Variants in FGFR2 observed in about 807,000 individuals in gnomAD.
FGFR2 encodes the protein BEK fibroblast growth factor receptor.
In FGFR2, 19 loss-of-function variants were observed where a neutral mutation model predicts 95.9. That is an observed-to-expected ratio of 0.20 (90% CI 0.14 to 0.29). The LOEUF (loss-of-function observed/expected upper bound fraction) is 0.29, where lower values mean the gene tolerates loss of function less well. Ranked by LOEUF, FGFR2 falls within the 10% of genes least tolerant of loss-of-function variation. The pLI is 1.00. For missense variants in FGFR2, 707 were observed against 1,056.9 expected, an observed-to-expected ratio of 0.67 and a Z score of 4.59; for synonymous variants, 392 against 393.3, an observed-to-expected ratio of 1.00 and a Z score of 0.04.
intron 9 of FGFR2, among the ~76,000 whole-genome samples, chr10:121,514,057 A>G (rs1182777905): frequency 1.3e-5 from 2 of 152,188 alleles, no homozygotes; most frequent in Non-Finnish European, 2.9e-5. Context: ...GGGCTTGTGT[A>G]AAATGCAGAT....
intron 4 of FGFR2, among the ~76,000 whole-genome samples, chr10:121,555,516 T>C (rs894551945): frequency 3.3e-5 from 5 of 152,296 alleles, no homozygotes; most frequent in Admixed American, 1.3e-4. Flanking sequence ...AAACTTCCAA[T>C]GGCATTCAAA....
chr10:121,527,983 G>T (rs1851613369), intron 6 of FGFR2: 1 of 152,224 alleles, frequency 6.6e-6, no homozygotes, highest in Non-Finnish European at 1.5e-5. Context: ...TCCTTCAGGG[G>T]AAGAAAATGT....
At chr10:121,493,652 C>T (rs924690716) in intron 13 of FGFR2, among the ~76,000 whole-genome samples, 20 of 152,196 alleles carry the variant, frequency 1.3e-4, no homozygotes, top group African/African-American at 4.6e-4. Flanking sequence ...TTCTATTCTC[C>T]TCTTCCAAGC....
At chr10:121,565,984 C>A (rs1857613252) in intron 2 of FGFR2, 2 of 533,382 alleles carry the variant, frequency 3.7e-6, no homozygotes, top group East Asian at 6.5e-5. Context: ...GAATATTCCA[C>A]AAGAAAATGT....
intron 4 of FGFR2, among the ~76,000 whole-genome samples, chr10:121,555,925 C>T (rs1337494355): frequency 6.6e-6 from 1 of 152,178 alleles, no homozygotes; most frequent in Non-Finnish European, 1.5e-5. Context: ...TTATTATTCC[C>T]ACCCTAGAGC....
chr10:121,538,820 T>C (rs1305556536), intron 5 of FGFR2, 105 bp from the exon 6 acceptor site: 15 of 1,441,224 alleles, frequency 1.0e-5, no homozygotes, highest in Middle Eastern at 1.8e-4. Flanking sequence ...AAGAAAGGTA[T>C]GGAAGAATCA....
intron 6 of FGFR2, among the ~76,000 whole-genome samples, chr10:121,523,663 C>T (rs1362712631): frequency 6.6e-6 from 1 of 152,174 alleles, no homozygotes; most frequent in Non-Finnish European, 1.5e-5. Flanking sequence ...ACTTTAGTAT[C>T]AATTCATGCC....
chr10:121,496,802 A>G (rs1264508631), intron 12 of FGFR2, 80 bp from the exon 13 acceptor site: 4 of 1,168,892 alleles, frequency 3.4e-6, no homozygotes, highest in Admixed American at 2.0e-5. Flanking sequence ...ATTTTTAGTT[A>G]TTACAACCCA....
At chr10:121,544,143 A>G (rs1271433135) in intron 5 of FGFR2, among the ~76,000 whole-genome samples, 1 of 152,056 alleles carries the variant, frequency 6.6e-6, no homozygotes, top group Non-Finnish European at 1.5e-5. Context: ...TCATCATCAG[A>G]TGAATGGATA....
At chr10:121,581,162 A>G (rs1590078276) in intron 2 of FGFR2, among the ~76,000 whole-genome samples, 1 of 152,206 alleles carries the variant, frequency 6.6e-6, no homozygotes. Flanking sequence ...GATGCCCTTG[A>G]CCGGCCTCCT....
Position 121,518,074 on chromosome 10 carries a change from TC to T in FGFR2, c.940-612del, listed in dbSNP as rs774486224. On this transcript the variant is annotated intron_variant, in intron 7 of 17. Transcript: ENST00000358487. The surrounding 1 kb of genome is among the most constrained non-coding windows in gnomAD (Gnocchi z 4.0). ...TGGTAACCAAAAAAACTGGGCTTTT[TC>T]TCTTTTCATTAATAAACATTTGGAT... 18 of 492,252 alleles carry T rather than the reference TC, an allele frequency of 3.7e-5. No homozygotes were observed. In the Admixed American group the frequency reaches 4.1e-4, roughly 11 times the overall value. 30.5% of individuals were successfully genotyped at this position (492,252 alleles called of 1,614,324 possible).
At chr10:121,480,141 T>C (rs1453803312) in intron 17 of FGFR2, 120 bp from the exon 18 acceptor site, 2 of 1,085,028 alleles carry the variant, frequency 1.8e-6, no homozygotes, top group South Asian at 1.2e-5. Flanking sequence ...AAGAGTTTTA[T>C]TTCAAACACA....
intron 15 of FGFR2, among the ~76,000 whole-genome samples, chr10:121,486,642 A>G (rs907933453): frequency 7.9e-5 from 12 of 152,158 alleles, no homozygotes; most frequent in Admixed American, 6.5e-5. Context: ...GGGTTTCACC[A>G]TGTTGGCCAG....
intron 2 of FGFR2, among the ~76,000 whole-genome samples, chr10:121,572,860 G>A (rs1398037320): frequency 1.3e-5 from 2 of 152,162 alleles, no homozygotes; most frequent in Non-Finnish European, 2.9e-5. Flanking sequence ...GCCACAAGCT[G>A]CATGAATTTA....
At chr10:121,581,972 G>A (rs929735944) in intron 2 of FGFR2, among the ~76,000 whole-genome samples, 2 of 148,928 alleles carry the variant, frequency 1.3e-5, no homozygotes, top group African/African-American at 5.0e-5. Flanking sequence ...TCACCCTGTC[G>A]CCCAGGCTGG....
At chr10:121,509,321 C>T (rs573563981) in intron 9 of FGFR2, among the ~76,000 whole-genome samples, 1 of 151,942 alleles carries the variant, frequency 6.6e-6, no homozygotes, top group South Asian at 2.1e-4. Flanking sequence ...CATTTCCTCA[C>T]TTTCCGGAAT....
At chr10:121,589,534 G>T (rs1320163893) in intron 2 of FGFR2, among the ~76,000 whole-genome samples, 1 of 152,154 alleles carries the variant, frequency 6.6e-6, no homozygotes, top group Non-Finnish European at 1.5e-5. Flanking sequence ...CATAGTAAGT[G>T]CTCTGTCTTT....
chr10:121,567,943 C>T (rs1857951809), intron 2 of FGFR2, among the ~76,000 whole-genome samples: 1 of 152,184 alleles, frequency 6.6e-6, no homozygotes, highest in African/African-American at 2.4e-5. Flanking sequence ...AAAGAACAGG[C>T]ATTTGAGCTG....
chr10:121,558,677 G>A (rs1421492977), intron 4 of FGFR2, among the ~76,000 whole-genome samples: 2 of 147,746 alleles, frequency 1.4e-5, no homozygotes, highest in Admixed American at 6.8e-5. Flanking sequence ...GCACAATTTC[G>A]GCTCACTGCA....
Sources: allele counts gnomAD v4.1 joint callset (sites outside exome capture counted in the v4.1 genomes callset), GRCh38; gene constraint gnomAD v4.1.1; non-coding constraint Gnocchi (gnomAD v3.1); transcripts MANE v1.5; gene names NCBI Gene and HGNC (gene_info 2026-07-23, HGNC 2026-07-21).